TSHZ2: variants seen among roughly 807,000 people sequenced by gnomAD.
The protein encoded by TSHZ2 is teashirt homolog 2.
TSHZ2 carries 21 observed loss-of-function variants against 74.4 expected under a neutral mutation model. That is an observed-to-expected ratio of 0.28 (90% CI 0.20 to 0.41). The LOEUF (loss-of-function observed/expected upper bound fraction) is 0.41, where lower values mean the gene tolerates loss of function less well. Ranked by LOEUF, TSHZ2 falls within the 10% of genes least tolerant of loss-of-function variation. TSHZ2 has a pLI of 1.00. For synonymous variants in TSHZ2, 540 were observed against 515.3 expected, an observed-to-expected ratio of 1.05 and a Z score of -0.65; for missense variants, 1,244 against 1,293.5, an observed-to-expected ratio of 0.96 and a Z score of 0.59.
chr20:53,204,241 C>G (rs1211175275), intron 1 of TSHZ2, among the ~76,000 whole-genome samples: 1 of 138,980 alleles, frequency 7.2e-6, no homozygotes, highest in Non-Finnish European at 1.6e-5. Flanking sequence ...TGATATGATA[C>G]TATATCATCA....
At chr20:53,056,621 C>T (rs757059720) in intron 1 of TSHZ2, among the ~76,000 whole-genome samples, 2 of 152,116 alleles carry the variant, frequency 1.3e-5, no homozygotes, top group Admixed American at 6.6e-5. Flanking sequence ...TGCTTAATTG[C>T]GTCATATTCC....
At chr20:53,408,570 G>A (rs1982929925) in intron 2 of TSHZ2, among the ~76,000 whole-genome samples, 2 of 152,182 alleles carry the variant, frequency 1.3e-5, no homozygotes, top group Non-Finnish European at 2.9e-5. Context: ...CCACTCTGCA[G>A]TGGAAATCCA....
At chr20:53,452,086 G>A (rs942106587) in intron 2 of TSHZ2, among the ~76,000 whole-genome samples, 2 of 152,244 alleles carry the variant, frequency 1.3e-5, no homozygotes, top group Non-Finnish European at 1.5e-5. Context: ...ACAAAGGGAA[G>A]TCAGTAACCC....
Position 53,253,938 on chromosome 20 carries a change from C to T in TSHZ2, c.480C>T (p.Gly160=). The part of the protein sequence containing the change: ...SERRNCDTRN[G]SNKSDFDWHQ... ...GGAGGAACTGTGACACCCGAAACGG[C>T]AGCAACAAGAGTGATTTTGATTGGC... The change falls in exon 2 of 3, where the codon GGC becomes GGT. Residue 160 remains glycine (G), a synonymous_variant. Transcript: ENST00000371497. 1.2e-6 allele frequency: 2 copies of T among 1,614,180 alleles called. No individual in the cohort carries two copies. The highest frequency in any genetic ancestry group is 1.7e-6 in the Non-Finnish European group (2 of 1,180,034).
At chr20:53,352,777 C>CAAAAAA (rs869247919) in intron 2 of TSHZ2, among the ~76,000 whole-genome samples, 1 of 65,618 alleles carries the variant, frequency 1.5e-5, no homozygotes, top group African/African-American at 5.4e-5. Flanking sequence ...CTGTCTCAAA[C>CAAAAAA]AAAAAAAAAA....
chr20:53,469,742 A>G (rs1330211128), intron 2 of TSHZ2, among the ~76,000 whole-genome samples: 1 of 132,476 alleles, frequency 7.5e-6, no homozygotes, highest in Non-Finnish European at 1.6e-5. Flanking sequence ...GGAAGGAAGG[A>G]AGGACCCAAG....
intron 2 of TSHZ2, among the ~76,000 whole-genome samples, chr20:53,430,547 G>T (rs1983806348): frequency 6.6e-6 from 1 of 152,040 alleles, no homozygotes; most frequent in African/African-American, 2.4e-5. Flanking sequence ...AGAAGTTTAT[G>T]GGCCATATGC....
At chr20:53,240,866 C>T (rs941508408) in intron 1 of TSHZ2, among the ~76,000 whole-genome samples, 11 of 151,806 alleles carry the variant, frequency 7.2e-5, no homozygotes, top group Non-Finnish European at 1.6e-4. Flanking sequence ...GGAAAATAAC[C>T]CCCAAAAGGA....
chr20:53,295,100 C>T (rs73150699), intron 2 of TSHZ2, among the ~76,000 whole-genome samples: 6,423 of 152,270 alleles, frequency 0.042, 197 homozygotes, highest in Middle Eastern at 0.095. Context: ...TCCTCGTACC[C>T]TCCATTTACA....
intron 1 of TSHZ2, among the ~76,000 whole-genome samples, chr20:53,060,408 T>G (rs1276284535): frequency 6.6e-6 from 1 of 152,236 alleles, no homozygotes; most frequent in African/African-American, 2.4e-5. Flanking sequence ...ACCCCATAGT[T>G]GCTTATTCTA....
At chr20:53,032,296 G>A (rs779226285) in intron 1 of TSHZ2, among the ~76,000 whole-genome samples, 6 of 152,174 alleles carry the variant, frequency 3.9e-5, no homozygotes, top group South Asian at 2.1e-4. Context: ...GGACGATTAC[G>A]TTTGAACTAA....
chr20:53,469,555 GGGAAGGAAGGAAGGAAGGAA>G (rs142116366), intron 2 of TSHZ2, among the ~76,000 whole-genome samples: 6,912 of 78,276 alleles, frequency 0.088, 573 homozygotes, highest in South Asian at 0.27. Flanking sequence ...GAAAGAAGGA[GGGAAGGAAGGAAGGAAGGAA>G]GGAAGGAAGG....
chr20:53,101,377 G>A (rs915071395), intron 1 of TSHZ2, among the ~76,000 whole-genome samples: 2 of 152,210 alleles, frequency 1.3e-5, no homozygotes, highest in Admixed American at 6.5e-5. Flanking sequence ...TATCACTTAC[G>A]TCAATTTATT....
At chr20:53,001,214 G>GTGTGTGTGTGTGTGTGTGTGTGTGTA (rs1568713416) in intron 1 of TSHZ2, among the ~76,000 whole-genome samples, 4 of 125,892 alleles carry the variant, frequency 3.2e-5, no homozygotes, top group African/African-American at 1.4e-4. Context: ...GCGTGTGTGT[G>GTGTGTGTGTGTGTGTGTGTGTGTGTA]TGTGTGTGTG....
chr20:53,455,616 GGTTA>G (rs1296758521), intron 2 of TSHZ2, among the ~76,000 whole-genome samples: 2 of 152,000 alleles, frequency 1.3e-5, no homozygotes, highest in African/African-American at 4.8e-5. Context: ...ACATTGTGCA[GGTTA>G]GTTACATACG....
intron 1 of TSHZ2, among the ~76,000 whole-genome samples, chr20:53,109,651 C>A (rs1226611214): frequency 6.6e-6 from 1 of 152,210 alleles, no homozygotes; most frequent in African/African-American, 2.4e-5. Context: ...AATGGAGTTT[C>A]ATCGATATTT....
At position 53,467,516 on chromosome 20, in the gene TSHZ2, G is replaced by A. The variant is rs570570527; in HGVS notation, c.*9-19628G>A. On this transcript the variant is annotated intron_variant, in intron 2 of 2. Coordinates refer to ENST00000371497, the MANE Select transcript of TSHZ2 (RefSeq NM_173485.6). ...AAATCATTAAAGATATCTACATTTC[G>A]TTAAGCACTTATTGAACGCCAGGCA... is the stretch of plus-strand genomic sequence containing the variant. Among the ~76,000 whole-genome samples the A allele has an allele frequency of 8.5e-5, 13 of 152,222 alleles. No homozygotes were observed. The South Asian group carries it at 1.5e-3, about 17-fold the overall frequency.
At chr20:53,201,508 T>C (rs1048241210) in intron 1 of TSHZ2, among the ~76,000 whole-genome samples, 1 of 152,216 alleles carries the variant, frequency 6.6e-6, no homozygotes, top group African/African-American at 2.4e-5. Context: ...CTTTGGGTCC[T>C]TCTCATTTTG....
chr20:53,338,096 A>C (rs1844506859), intron 2 of TSHZ2, among the ~76,000 whole-genome samples: 1 of 152,182 alleles, frequency 6.6e-6, no homozygotes. Context: ...ATGAAGTCAA[A>C]CGTGGTCCTG....
Sources: gnomAD v4.1 joint callset for allele counts (sites outside exome capture counted in the v4.1 genomes callset) on GRCh38, gnomAD v4.1.1 for gene constraint, MANE v1.5 for transcripts, NCBI Gene and HGNC (gene_info 2026-07-23, HGNC 2026-07-21) for gene names.